The following MESD variants were observed in gnomAD, a reference collection of about 807,000 sequenced individuals.
MESD encodes the protein LRP chaperone MESD.
In MESD, 7 loss-of-function variants were observed where a neutral mutation model predicts 12.9. That is an observed-to-expected ratio of 0.54 (90% confidence interval 0.31 to 1.02). The LOEUF (loss-of-function observed/expected upper bound fraction) is 1.02. Among genes scored for constraint, MESD ranks in the 50% least tolerant of loss-of-function variants. The pLI is 0.05. For missense variants in MESD, 342 were observed against 296.7 expected, an observed-to-expected ratio of 1.15 and a Z score of -1.12; for synonymous variants, 126 against 115.6, an observed-to-expected ratio of 1.09 and a Z score of -0.58.
At chr15:80,972,528 G>A (rs1471828099), downstream of MESD, among the ~76,000 whole-genome samples, 1 of 152,234 alleles carries the variant, frequency 6.6e-6, no homozygotes, top group Non-Finnish European at 1.5e-5. Context: ...GCTGTGGGTA[G>A]AAGTACATGC....
chr15:80,948,460 G>A (rs1567115364), exon 5 of MESD: 1 of 381,492 alleles, frequency 2.6e-6, no homozygotes, highest in Non-Finnish European at 5.1e-6. Flanking sequence ...CTTGCTGGTT[G>A]TCCTAGGGGC....
Position 80,979,401 on chromosome 15 carries a change from C to G in MESD, c.523G>C (p.Val175Leu). ...SYAWEIKDFL[V>L]GQDRCADVTL... ...ACATCAGCACACCTGTCTTGACCGA[C>G]CAAAAAGTCCTTGATCTCCCAGGCG... Residue 175 changes from valine (V) to leucine (L), a missense_variant, in exon 3 of 3, where the codon GTC becomes CTC. By Grantham distance (32) the Val-to-Leu change is conservative (BLOSUM62 1). Coordinates refer to ENST00000261758, the MANE Select transcript of MESD (RefSeq NM_015154.3). The G allele has an allele frequency of 6.2e-7, 1 of 1,614,196 alleles. No homozygotes were observed. Among genetic ancestry groups the G allele is most frequent in the Non-Finnish European group, 8.5e-7 (1 of 1,180,044 alleles).
chr15:80,971,360 C>A (rs2141799987), downstream of MESD, among the ~76,000 whole-genome samples: 1 of 152,256 alleles, frequency 6.6e-6, no homozygotes, highest in East Asian at 1.9e-4. Context: ...TGACAAAGAC[C>A]CCTCCTTAGA....
downstream of MESD, among the ~76,000 whole-genome samples, chr15:80,970,853 A>T (rs919709025): frequency 2.0e-5 from 3 of 152,176 alleles, no homozygotes; most frequent in Non-Finnish European, 4.4e-5. Flanking sequence ...CTAAGAGGAA[A>T]TGTCAGGGGT....
chr15:80,981,983 C>T lies in MESD; in HGVS notation c.413G>A (p.Gly138Asp). 6.2e-7 allele frequency: 1 copy of T among 1,614,144 alleles called. No homozygotes were observed. Among genetic ancestry groups the T allele is most frequent in the South Asian group, 1.1e-5 (1 of 91,074 alleles). Residue 138 changes from glycine to aspartate, a missense_variant, in exon 2 of 3, where the codon GGC (glycine) becomes GAC (aspartate). By Grantham distance (94) the Gly-to-Asp change is moderately conservative. Coordinates refer to ENST00000261758, the MANE Select transcript of MESD (RefSeq NM_015154.3). ...ETEEITSLWQ[G>D]SLFNANYDVQ... ...GTCATAGTTGGCATTGAAAAGGCTGCCCTGCCAGAGGCTCGTAATTTCCTC... is the reference window on the plus strand; with the variant it reads ...GTCATAGTTGGCATTGAAAAGGCTGTCCTGCCAGAGGCTCGTAATTTCCTC...
At chr15:80,981,306 A>G (rs1276445087) in intron 2 of MESD, among the ~76,000 whole-genome samples, 3 of 151,402 alleles carry the variant, frequency 2.0e-5, no homozygotes, top group Non-Finnish European at 2.9e-5. Context: ...GCGTGGTGGC[A>G]GGTGCCTGTA....
downstream of MESD, among the ~76,000 whole-genome samples, chr15:80,971,013 G>T (rs1902276125): frequency 1.3e-5 from 2 of 152,146 alleles, no homozygotes; most frequent in Admixed American, 1.3e-4. Flanking sequence ...TCAATAAATT[G>T]ATTAACAGGA....
intron 3 of MESD, among the ~76,000 whole-genome samples, chr15:80,967,379 A>T (rs1340764120): frequency 6.6e-6 from 1 of 152,218 alleles, no homozygotes; most frequent in Admixed American, 6.5e-5. Flanking sequence ...AGAATTTGTA[A>T]GGAAGCTTCT....
At chr15:80,966,423 C>T (rs1243728414) in intron 3 of MESD, among the ~76,000 whole-genome samples, 1 of 152,152 alleles carries the variant, frequency 6.6e-6, no homozygotes, top group African/African-American at 2.4e-5. Context: ...TTTGTAATAA[C>T]AAACTACTCA....
At chr15:80,969,104 C>T (rs1260567645) in intron 3 of MESD, among the ~76,000 whole-genome samples, 1 of 152,080 alleles carries the variant, frequency 6.6e-6, no homozygotes, top group African/African-American at 2.4e-5. Context: ...GGTGGGAGGA[C>T]CACTTGAGCC....
chr15:80,946,600 T>TCAAGGGAA (rs1465929156), downstream of MESD: 5 of 263,144 alleles, frequency 1.9e-5, no homozygotes, highest in African/African-American at 1.1e-4. Context: ...TTGAGAACAT[T>TCAAGGGAA]CAAGGGAAGA....
chr15:80,971,622 G>A (rs147133975), downstream of MESD, among the ~76,000 whole-genome samples: 179 of 152,256 alleles, frequency 1.2e-3, no homozygotes, highest in Non-Finnish European at 1.6e-3. Context: ...GAGCAATAAA[G>A]TCTTAAAACA....
exon 5 of MESD, chr15:80,947,787 TACTC>T (rs1901626545): frequency 1.3e-5 from 2 of 152,578 alleles, no homozygotes; most frequent in African/African-American, 4.8e-5. Context: ...TTATCTCACT[TACTC>T]ATTAATAACC....
At chr15:80,966,512 C>G (rs1209062510) in intron 3 of MESD, among the ~76,000 whole-genome samples, 1 of 152,182 alleles carries the variant, frequency 6.6e-6, no homozygotes, top group African/African-American at 2.4e-5. Context: ...GAGAGCTCAA[C>G]GGGCCCAGTG....
chr15:80,955,487 CAAAAA>C (rs1169755665), intron 3 of MESD, among the ~76,000 whole-genome samples: 1 of 45,620 alleles, frequency 2.2e-5, no homozygotes. Context: ...GACTCCGTCT[CAAAAA>C]AAAAAAAAAA....
At chr15:80,948,744 G>A (rs1901678666) in exon 5 of MESD, 10 of 1,612,508 alleles carry the variant, frequency 6.2e-6, no homozygotes, top group East Asian at 2.2e-5. Context: ...ACGGGGTGGG[G>A]CAGCCGTCCT....
At chr15:80,952,328 G>A in intron 3 of MESD, 1 of 418,094 alleles carries the variant, frequency 2.4e-6, no homozygotes, top group South Asian at 1.7e-5. Context: ...GCAGAGGTTA[G>A]AGCAGGTGAA....
chr15:80,979,290 T>C lies in MESD; in HGVS notation c.634A>G (p.Lys212Glu). The change falls in exon 3 of 3, where the codon AAG becomes GAG. Residue 212 changes from lysine (K) to glutamate (E), a missense_variant. Lys to Glu is a moderately conservative substitution (Grantham distance 56, BLOSUM62 1). Transcript: ENST00000261758. ...GACCGAGATTTCAGATCTCCTTCCT[T>C]CTTTTTTTTGCCCTTGTCTTGCTTT... ...KTKQDKGKKK[K>E]EGDLKSRSSK... 1 of 1,614,082 alleles carries C rather than the reference T, an allele frequency of 6.2e-7. No homozygotes were observed. Among genetic ancestry groups the C allele is most frequent in the Non-Finnish European group, 8.5e-7 (1 of 1,180,042 alleles).
Position 80,977,274 on chromosome 15 carries a change from C to T in MESD, c.*1945G>A, listed in dbSNP as rs920082946. The T allele has an allele frequency of 6.6e-6, 1 of 152,252 alleles. No individual in the cohort carries two copies. The highest frequency in any genetic ancestry group is 1.5e-5 in the Non-Finnish European group (1 of 68,106). The allele number at this position is 152,252 out of a possible 1,614,324, so 9.4% of individuals were successfully genotyped here. A position where few individuals can be genotyped will look rare whatever the true frequency, so the allele number is the denominator to read the frequency against. ...AAGATTCTACCTCCCCCTACCCTGC[C>T]CCTTTCATACTTCTAACAGCTGCCA... On this transcript the variant is annotated 3_prime_UTR_variant, in exon 3 of 3. Coordinates refer to ENST00000261758, the MANE Select transcript of MESD (RefSeq NM_015154.3).
Sources: allele counts gnomAD v4.1 joint callset (sites outside exome capture counted in the v4.1 genomes callset), GRCh38; gene constraint gnomAD v4.1.1; transcripts MANE v1.5; gene names NCBI Gene and HGNC (gene_info 2026-07-23, HGNC 2026-07-21).